The following LPA variants were observed in gnomAD, a reference collection of about 807,000 sequenced individuals.
LPA encodes the protein apolipoprotein(a).
A neutral mutation model predicts 197.9 loss-of-function variants in LPA; 199 were observed. The observed-to-expected ratio is 1.01, with a 90% CI of 0.90 to 1.13. The LOEUF is 1.13. Among genes scored for constraint, LPA ranks in the 50% most tolerant of loss-of-function variants. The pLI is 0.00. For synonymous variants in LPA, 715 were observed against 639.5 expected (o/e 1.12, Z -1.78); for missense variants, 1,853 against 1,785.8 (o/e 1.04, Z -0.68).
chr6:160,660,241 T>A (rs375842257), intron 1 of LPA, among the ~76,000 whole-genome samples: 1 of 147,116 alleles, frequency 6.8e-6, no homozygotes, highest in African/African-American at 2.6e-5. Context: ...CCTATCAGCA[T>A]GTATCTAGCA....
intron 34 of LPA, 104 bp from the exon 35 acceptor site, chr6:160,541,285 A>G: frequency 1.2e-6 from 1 of 861,056 alleles, no homozygotes. Context: ...GATCATGTTC[A>G]TATTCCCAAA....
intron 28 of LPA, among the ~76,000 whole-genome samples, chr6:160,567,207 C>G (rs1778473285): frequency 6.6e-6 from 1 of 152,242 alleles, no homozygotes; most frequent in Non-Finnish European, 1.5e-5. Context: ...CTCAGCACCA[C>G]ATCGCACTTA....
At chr6:160,538,067 C>T in intron 36 of LPA, 106 bp from the exon 37 acceptor site, 1 of 890,360 alleles carries the variant, frequency 1.1e-6, no homozygotes, top group Non-Finnish European at 1.8e-6. Flanking sequence ...TGAGCTGGCA[C>T]TGCCTTGCTT....
rs1463313552 is a variant in LPA at position 160,606,585 on chromosome 6, C to T, written c.2677G>A (p.Val893Ile). 6.2e-7 allele frequency: 1 copy of T among 1,613,970 alleles called. No homozygotes were observed. The highest frequency in any genetic ancestry group is 8.5e-7 in the Non-Finnish European group (1 of 1,179,954). The change falls in exon 17 of 39, where the codon GTC (valine) becomes ATC (isoleucine). Residue 893 changes from valine (V) to isoleucine (I), a missense_variant. Around this residue, in one of 3 missense-constraint regions of LPA, gnomAD observed 1,737 missense variants for 1,504.4 expected, o/e 1.15. Coordinates refer to ENST00000316300, the MANE Select transcript of LPA (RefSeq NM_005577.4). ...GTCAGGTTGCAGTACTCCCACCTGA[C>T]ACTGGGATCCCTCGTATAACAATAA... is the stretch of plus-strand genomic sequence containing the variant. Reference protein sequence around the residue: ...APYCYTRDPSVRWEYCNLTQC... With the variant: ...APYCYTRDPSIRWEYCNLTQC...
intron 20 of LPA, among the ~76,000 whole-genome samples, chr6:160,596,321 C>T (rs1269371770): frequency 6.6e-6 from 1 of 151,750 alleles, no homozygotes. Context: ...CCTTGTTGGT[C>T]TCTTTTCTTG....
At chr6:160,566,113 T>C (rs1329045415) in intron 28 of LPA, among the ~76,000 whole-genome samples, 4 of 152,210 alleles carry the variant, frequency 2.6e-5, no homozygotes, top group Non-Finnish European at 5.9e-5. Context: ...CTCTTCAGGA[T>C]ATTATCCAGG....
chr6:160,556,422 A>G (rs1778264476), intron 29 of LPA, among the ~76,000 whole-genome samples: 1 of 152,110 alleles, frequency 6.6e-6, no homozygotes, highest in Non-Finnish European at 1.5e-5. Context: ...TGCTCTTACA[A>G]TTGGAACAAA....
intron 30 of LPA, among the ~76,000 whole-genome samples, chr6:160,555,323 ATG>A (rs1359693407): frequency 2.7e-5 from 3 of 112,570 alleles, no homozygotes; most frequent in African/African-American, 6.5e-5. Flanking sequence ...GTGTGTGTGT[ATG>A]TGTGTGTGTC....
chr6:160,583,688 T>C lies in LPA; in HGVS notation c.4289+1358A>G, dbSNP rs142566784. 9.3e-4 allele frequency among the ~76,000 whole-genome samples: 142 copies of C among 152,316 alleles called. 3 individuals carry two copies. In the South Asian group the frequency reaches 0.018, roughly 19 times the overall value. On this transcript the variant is annotated intron_variant, in intron 26 of 38. Coordinates refer to ENST00000316300, the MANE Select transcript of LPA (RefSeq NM_005577.4). ...CCAGAGACTTGAAGAGACTTCTGTGTGTATTCCTGGAGCTCCTTTTCTCCA... is the reference window on the plus strand; with the variant it reads ...CCAGAGACTTGAAGAGACTTCTGTGCGTATTCCTGGAGCTCCTTTTCTCCA...
At position 160,550,135 on chromosome 6, in the gene LPA, C is replaced by T. The variant is rs377173502; in HGVS notation, c.4974-1476G>A. 3.4e-4 allele frequency among the ~76,000 whole-genome samples: 52 copies of T among 151,888 alleles called. 2 individuals carry two copies. The South Asian group carries it at 0.011, about 31-fold the overall frequency. On this transcript the variant is annotated intron_variant, in intron 30 of 38. Transcript: ENST00000316300. ...ACTCATGAAGCTGAGGCAGGAGAAT[C>T]TCTTGAACCCTGGAGTTGGAGGCTG...
At chr6:160,648,369 C>T (rs987506295) in intron 2 of LPA, among the ~76,000 whole-genome samples, 1 of 152,102 alleles carries the variant, frequency 6.6e-6, no homozygotes, top group African/African-American at 2.4e-5. Flanking sequence ...CATTGAGCTT[C>T]TTGAGTCCGT....
At chr6:160,604,407 G>T (rs575827571) in intron 18 of LPA, among the ~76,000 whole-genome samples, 1 of 152,124 alleles carries the variant, frequency 6.6e-6, no homozygotes, top group Admixed American at 6.5e-5. Context: ...GTCACTTATG[G>T]CCTAAAGCCT....
At chr6:160,598,313 C>A (rs138957178) in intron 20 of LPA, among the ~76,000 whole-genome samples, 1 of 152,328 alleles carries the variant, frequency 6.6e-6, no homozygotes, top group East Asian at 1.9e-4. Context: ...CTATCCTCCA[C>A]AAGTCCATTC....
chr6:160,579,136 G>A (rs1201990054), intron 26 of LPA, among the ~76,000 whole-genome samples: 1 of 151,936 alleles, frequency 6.6e-6, no homozygotes, highest in African/African-American at 2.4e-5. Context: ...ATAGTAATAT[G>A]TAAGTTGGAA....
At chr6:160,562,847 A>G (rs1778385985) in intron 28 of LPA, among the ~76,000 whole-genome samples, 1 of 151,938 alleles carries the variant, frequency 6.6e-6, no homozygotes, top group African/African-American at 2.4e-5. Context: ...TTTCTATTTT[A>G]TTTGCATAGA....
intron 23 of LPA, 44 bp from the exon 24 acceptor site, chr6:160,589,756 C>T (rs781682249): frequency 2.3e-4 from 372 of 1,610,282 alleles, no homozygotes; most frequent in Non-Finnish European, 3.1e-4. Flanking sequence ...ATTTCCAGAA[C>T]ACAGAAGCAT....
At chr6:160,578,028 G>A (rs572600903) in intron 27 of LPA, among the ~76,000 whole-genome samples, 49 of 152,264 alleles carry the variant, frequency 3.2e-4, no homozygotes, top group East Asian at 9.6e-4. Flanking sequence ...GACAGCATTC[G>A]TTGGTTACCT....
chr6:160,661,110 C>T (rs1780218611), intron 1 of LPA, among the ~76,000 whole-genome samples: 1 of 152,066 alleles, frequency 6.6e-6, no homozygotes, highest in South Asian at 2.1e-4. Flanking sequence ...TGAGCTTCAG[C>T]AGCCCTCTTC....
At chr6:160,578,155 A>G (rs928547363) in intron 27 of LPA, among the ~76,000 whole-genome samples, 2 of 152,186 alleles carry the variant, frequency 1.3e-5, no homozygotes, top group Non-Finnish European at 2.9e-5. Context: ...TGCAATGAAA[A>G]AAGTCTACTT....
Sources: allele counts gnomAD v4.1 joint callset (sites outside exome capture counted in the v4.1 genomes callset), GRCh38; gene constraint gnomAD v4.1.1; regional missense constraint gnomAD v4.1.1; transcripts MANE v1.5; gene names NCBI Gene and HGNC (gene_info 2026-07-23, HGNC 2026-07-21).